Variants in RARB observed in about 807,000 individuals in gnomAD.
RARB encodes HBV-activated protein.
RARB carries 17 observed loss-of-function variants against 51.9 expected under a neutral mutation model. The observed-to-expected ratio is 0.33, with a 90% CI of 0.22 to 0.49. The LOEUF (loss-of-function observed/expected upper bound fraction) is 0.49. Among genes scored for constraint, RARB ranks in the 20% least tolerant of loss-of-function variants. The probability of loss-of-function intolerance (pLI) is 0.99; values close to 1 mark genes in which losing one functional copy is unlikely to be tolerated. For synonymous variants in RARB, 215 were observed against 195.4 expected (o/e 1.10, Z -0.84); for missense variants, 369 against 550.8 (o/e 0.67, Z 3.30).
At chr3:25,336,970 C>T (rs116241878) in intron 5 of RARB, among the ~76,000 whole-genome samples, 216 of 152,130 alleles carry the variant, frequency 1.4e-3, no homozygotes, top group Middle Eastern at 0.014. Context: ...AGTGTGTGGA[C>T]GAGTTCAATA....
chr3:25,200,897 T>C (rs955342489), intron 5 of RARB, among the ~76,000 whole-genome samples: 6 of 152,222 alleles, frequency 3.9e-5, no homozygotes, highest in Non-Finnish European at 8.8e-5. Flanking sequence ...CTTTGTTCTT[T>C]TGGCTTAGGA....
intron 5 of RARB, among the ~76,000 whole-genome samples, chr3:25,334,165 A>G (rs376262968): frequency 6.6e-6 from 1 of 152,248 alleles, no homozygotes; most frequent in African/African-American, 2.4e-5. Context: ...TGACCCAGTC[A>G]TCCTATTACT....
At chr3:25,355,943 C>T (rs952844685) in intron 5 of RARB, among the ~76,000 whole-genome samples, 1 of 151,956 alleles carries the variant, frequency 6.6e-6, no homozygotes, top group Non-Finnish European at 1.5e-5. Flanking sequence ...AAAAGTTAAG[C>T]AGGAACTTGG....
intron 5 of RARB, among the ~76,000 whole-genome samples, chr3:25,361,867 G>A (rs116133348): frequency 0.035 from 5,336 of 152,202 alleles, 128 homozygotes; most frequent in Middle Eastern, 0.065. Flanking sequence ...CGTCCCAGAG[G>A]GGCACCAGCC....
At chr3:25,183,443 G>T (rs1210336825) in intron 5 of RARB, among the ~76,000 whole-genome samples, 1 of 151,962 alleles carries the variant, frequency 6.6e-6, no homozygotes. Flanking sequence ...ACCTCAACAT[G>T]TTCTCTTTAA....
chr3:24,913,252 G>A (rs562029706), intron 2 of RARB, among the ~76,000 whole-genome samples: 47 of 151,960 alleles, frequency 3.1e-4, no homozygotes, highest in Middle Eastern at 3.4e-3. Flanking sequence ...CCAAAGTGCT[G>A]GGATTACAGG....
chr3:25,551,800 A>C lies in RARB; in HGVS notation c.449-17958A>C, dbSNP rs140681858. Among the ~76,000 whole-genome samples the C allele has an allele frequency of 2.7e-3, 412 of 152,298 alleles. 3 individuals carry two copies. The highest frequency in any genetic ancestry group is 9.0e-3 in the African/African-American group (373 of 41,570). ...GCCAGATAGGTCTTGTGGGGATCCC[A>C]GGATGCAGATGTCTCAAGTTGAGTG... On this transcript the variant is annotated intron_variant, in intron 3 of 7. Coordinates refer to ENST00000330688, the MANE Select transcript of RARB (RefSeq NM_000965.5).
chr3:25,574,975 T>C (rs1336948866), intron 4 of RARB, among the ~76,000 whole-genome samples: 1 of 152,108 alleles, frequency 6.6e-6, no homozygotes, highest in Non-Finnish European at 1.5e-5. Flanking sequence ...TTTGAGCCAG[T>C]TGTTAACTTA....
intron 3 of RARB, among the ~76,000 whole-genome samples, chr3:25,091,217 T>C (rs1575156224): frequency 6.6e-6 from 1 of 152,136 alleles, no homozygotes; most frequent in Non-Finnish European, 1.5e-5. Context: ...AGGTATTTTT[T>C]TGCAAGATGT....
intron 2 of RARB, among the ~76,000 whole-genome samples, chr3:24,997,952 A>T (rs1238274708): frequency 6.6e-6 from 1 of 152,138 alleles, no homozygotes; most frequent in Non-Finnish European, 1.5e-5. Context: ...TTTACAATAA[A>T]GTATTTCTTT....
intron 2 of RARB, among the ~76,000 whole-genome samples, chr3:24,923,191 G>A (rs1695254071): frequency 1.3e-5 from 2 of 152,148 alleles, no homozygotes; most frequent in Non-Finnish European, 2.9e-5. Context: ...TCAGAAAGGT[G>A]CTTCATAAAT....
chr3:25,529,076 TGA>T (rs1698784907), intron 3 of RARB, among the ~76,000 whole-genome samples: 1 of 151,906 alleles, frequency 6.6e-6, no homozygotes, highest in African/African-American at 2.4e-5. Flanking sequence ...GACAATGAGA[TGA>T]GGAGTAATTA....
chr3:25,095,774 G>T (rs1323728620), intron 3 of RARB, among the ~76,000 whole-genome samples: 1 of 152,152 alleles, frequency 6.6e-6, no homozygotes, highest in South Asian at 2.1e-4. Context: ...CTCTGGAGAA[G>T]AATGATAGAA....
At chr3:25,022,111 T>C (rs1011623091) in intron 2 of RARB, among the ~76,000 whole-genome samples, 3 of 152,150 alleles carry the variant, frequency 2.0e-5, no homozygotes, top group Non-Finnish European at 1.5e-5. Context: ...TGCCAGAAAC[T>C]GGAGAGCTTT....
intron 5 of RARB, among the ~76,000 whole-genome samples, chr3:25,399,455 G>A (rs146652073): frequency 1.3e-5 from 2 of 152,138 alleles, no homozygotes; most frequent in Admixed American, 6.6e-5. Flanking sequence ...AACAGGAGCT[G>A]AATTGTTGGC....
chr3:25,510,879 A>C (rs116802985), intron 3 of RARB, among the ~76,000 whole-genome samples: 249 of 152,338 alleles, frequency 1.6e-3, no homozygotes, highest in African/African-American at 5.9e-3. Flanking sequence ...AATCTCTGCT[A>C]ATCTGTCTTT....
chr3:25,451,723 C>G (rs1575416589), intron 1 of RARB, among the ~76,000 whole-genome samples: 1 of 152,258 alleles, frequency 6.6e-6, no homozygotes, highest in East Asian at 1.9e-4. Flanking sequence ...GGTTTTCTGT[C>G]AGACTGGTAC....
At chr3:24,842,627 G>T (rs993534230) in intron 1 of RARB, among the ~76,000 whole-genome samples, 1 of 152,082 alleles carries the variant, frequency 6.6e-6, no homozygotes, top group African/African-American at 2.4e-5. Flanking sequence ...CTTTTTCGAG[G>T]TCACAATTTC....
chr3:24,925,282 A>G, intron 2 of RARB, among the ~76,000 whole-genome samples: 1 of 152,048 alleles, frequency 6.6e-6, no homozygotes, highest in South Asian at 2.1e-4. Context: ...AAATATGACA[A>G]ACTCCATTAT....
Sources: gnomAD v4.1 joint callset for allele counts (sites outside exome capture counted in the v4.1 genomes callset) on GRCh38, gnomAD v4.1.1 for gene constraint, MANE v1.5 for transcripts, NCBI Gene and HGNC (gene_info 2026-07-23, HGNC 2026-07-21) for gene names.